The following RUNDC3B variants were observed in gnomAD, a reference collection of about 807,000 sequenced individuals.
The protein encoded by RUNDC3B is RUN domain containing 3B.
A neutral mutation model predicts 58.4 loss-of-function variants in RUNDC3B; 33 were observed. That is an observed-to-expected ratio of 0.56 (90% confidence interval 0.43 to 0.75). RUNDC3B has a LOEUF of 0.75. Ranked by LOEUF, RUNDC3B falls within the 30% of genes least tolerant of loss-of-function variation. The pLI, the probability that RUNDC3B is intolerant of heterozygous loss-of-function variation, is 0.00. For synonymous variants in RUNDC3B, 193 were observed against 195.2 expected (o/e 0.99, Z 0.10); for missense variants, 501 against 535.7 (o/e 0.94, Z 0.64).
At chr7:87,814,256 A>G (rs1836900788) in intron 9 of RUNDC3B, among the ~76,000 whole-genome samples, 1 of 151,842 alleles carries the variant, frequency 6.6e-6, no homozygotes, top group Non-Finnish European at 1.5e-5. Flanking sequence ...ATCTGCCACC[A>G]CGCCCAGCTA....
chr7:87,725,282 T>C (rs950583646), intron 4 of RUNDC3B, among the ~76,000 whole-genome samples: 3 of 152,176 alleles, frequency 2.0e-5, no homozygotes, highest in African/African-American at 7.2e-5. Context: ...GATGTTCTCC[T>C]TCCTGTGTCC....
chr7:87,654,118 G>A (rs563393126), intron 2 of RUNDC3B, among the ~76,000 whole-genome samples: 1 of 151,984 alleles, frequency 6.6e-6, no homozygotes, highest in South Asian at 2.1e-4. Context: ...TTCATAGATT[G>A]AAAAATTAAT....
At chr7:87,815,172 A>G (rs1251058646) in intron 9 of RUNDC3B, among the ~76,000 whole-genome samples, 4 of 152,112 alleles carry the variant, frequency 2.6e-5, no homozygotes, top group East Asian at 1.9e-4. Context: ...TTTAATATAC[A>G]TATTTCTGAA....
At chr7:87,775,105 G>A (rs1035814686) in intron 7 of RUNDC3B, among the ~76,000 whole-genome samples, 2 of 152,158 alleles carry the variant, frequency 1.3e-5, no homozygotes, top group Non-Finnish European at 2.9e-5. Context: ...GCTTCAGGCA[G>A]GTCTTTTAGG....
chr7:87,752,367 T>G (rs2130834910), intron 6 of RUNDC3B, among the ~76,000 whole-genome samples: 1 of 152,290 alleles, frequency 6.6e-6, no homozygotes, highest in Non-Finnish European at 1.5e-5. Context: ...CCAGCTTTGG[T>G]ATCAGGATGA....
At chr7:87,703,315 T>C (rs1263925339) in intron 3 of RUNDC3B, among the ~76,000 whole-genome samples, 6 of 152,148 alleles carry the variant, frequency 3.9e-5, no homozygotes, top group Non-Finnish European at 8.8e-5. Context: ...TCAAATTAAA[T>C]ATTTTGTAAG....
At chr7:87,641,418 G>C (rs912854480) in intron 1 of RUNDC3B, among the ~76,000 whole-genome samples, 1 of 152,128 alleles carries the variant, frequency 6.6e-6, no homozygotes, top group Non-Finnish European at 1.5e-5. Flanking sequence ...ATCCAGACTA[G>C]GTTTTAACCA....
chr7:87,785,896 T>G (rs1433400755), intron 8 of RUNDC3B, among the ~76,000 whole-genome samples: 2 of 152,200 alleles, frequency 1.3e-5, no homozygotes, highest in Non-Finnish European at 2.9e-5. Flanking sequence ...TTGTGGGATC[T>G]TTTATAGTTA....
chr7:87,647,204 T>G (rs1051508334), intron 1 of RUNDC3B, among the ~76,000 whole-genome samples: 1 of 152,248 alleles, frequency 6.6e-6, no homozygotes, highest in African/African-American at 2.4e-5. Context: ...AAAGTGTACT[T>G]CTGGACCCAG....
intron 2 of RUNDC3B, among the ~76,000 whole-genome samples, chr7:87,664,758 T>C (rs1048754177): frequency 3.4e-4 from 52 of 152,088 alleles, no homozygotes; most frequent in African/African-American, 1.3e-3. Flanking sequence ...TATAAGTTTG[T>C]GTCATTGGAG....
In RUNDC3B at chr7:87,728,096, A is replaced by G. The variant is rs148728093; in HGVS notation, c.459-11695A>G. ...TTACAATAAAATTATATAGAATATA[A>G]AAATCTTCTTAGTCTTATAACTCCA... On this transcript the variant is annotated intron_variant, in intron 4 of 10. Coordinates refer to ENST00000394654, the MANE Select transcript of RUNDC3B (RefSeq NM_001134405.2). 4.8e-3 allele frequency among the ~76,000 whole-genome samples: 729 copies of G among 152,278 alleles called. 4 individuals carry two copies. Among genetic ancestry groups the G allele is most frequent in the African/African-American group, 0.017 (690 of 41,560 alleles).
In RUNDC3B at chr7:87,656,783, A is replaced by C. The variant is rs145372009; in HGVS notation, c.238+5846A>C. Among the ~76,000 whole-genome samples the C allele has an allele frequency of 4.9e-3, 752 of 152,292 alleles. 9 individuals are homozygous for C. Among genetic ancestry groups the C allele is most frequent in the African/African-American group, 0.017 (706 of 41,574 alleles). ...ATAGTTCACCACTATTTTTCTTCTA[A>C]ACTTATTTATCCATCACTAAGCTAC... On this transcript the variant is annotated intron_variant, in intron 2 of 10. Transcript: ENST00000394654.
chr7:87,644,033 A>G (rs771529473), intron 1 of RUNDC3B, among the ~76,000 whole-genome samples: 1 of 151,800 alleles, frequency 6.6e-6, no homozygotes, highest in Non-Finnish European at 1.5e-5. Flanking sequence ...TAATTTTTAT[A>G]TTTTTAGTAG....
At chr7:87,747,046 G>A (rs2130823031) in intron 6 of RUNDC3B, among the ~76,000 whole-genome samples, 1 of 152,234 alleles carries the variant, frequency 6.6e-6, no homozygotes, top group South Asian at 2.1e-4. Flanking sequence ...TGTTGAAGAG[G>A]CTTGCTTTGT....
chr7:87,821,881 A>C (rs1022928292), intron 10 of RUNDC3B, among the ~76,000 whole-genome samples: 140 of 152,340 alleles, frequency 9.2e-4, no homozygotes, highest in African/African-American at 2.8e-3. Context: ...ACCTTATACA[A>C]AAATTAATTC....
chr7:87,726,620 T>G lies in RUNDC3B; in HGVS notation c.459-13171T>G, dbSNP rs569723039. Among the ~76,000 whole-genome samples the G allele has an allele frequency of 1.4e-3, 216 of 152,328 alleles. 5 individuals are homozygous for G. Among genetic ancestry groups the G allele is most frequent in the Admixed American group, 9.0e-3 (137 of 15,298 alleles). On this transcript the variant is annotated intron_variant, in intron 4 of 10. Coordinates refer to ENST00000394654, the MANE Select transcript of RUNDC3B (RefSeq NM_001134405.2). ...GAACTTTAAAGTAGTTTTTTCCAAT[T>G]CTGTGAAGAAAGTCATTGGTAGCTT...
At chr7:87,725,205 A>G (rs1199429644) in intron 4 of RUNDC3B, among the ~76,000 whole-genome samples, 1 of 152,074 alleles carries the variant, frequency 6.6e-6, no homozygotes, top group Non-Finnish European at 1.5e-5. Flanking sequence ...CTTGTCATTT[A>G]CATTAGGTAT....
chr7:87,779,751 A>G (rs373470018), intron 8 of RUNDC3B, among the ~76,000 whole-genome samples: 4 of 152,080 alleles, frequency 2.6e-5, no homozygotes, highest in East Asian at 3.9e-4. Context: ...CATAGTACTC[A>G]ATAGGTAGTT....
At chr7:87,652,646 A>ATATATAT (rs1563105075) in intron 2 of RUNDC3B, among the ~76,000 whole-genome samples, 16 of 147,188 alleles carry the variant, frequency 1.1e-4, no homozygotes, top group African/African-American at 2.5e-4. Context: ...ATATATATAT[A>ATATATAT]GTAGGAAGTA....
Sources: gnomAD v4.1 joint callset for allele counts (sites outside exome capture counted in the v4.1 genomes callset) on GRCh38, gnomAD v4.1.1 for gene constraint, MANE v1.5 for transcripts, NCBI Gene and HGNC (gene_info 2026-07-23, HGNC 2026-07-21) for gene names.